RBFA: variants seen among roughly 807,000 people sequenced by gnomAD.
The protein encoded by RBFA is putative ribosome-binding factor A, mitochondrial.
Under a neutral mutation model 27.9 loss-of-function variants are expected in RBFA, and 16 were observed. That is an observed-to-expected ratio of 0.57 (90% confidence interval 0.39 to 0.87). The LOEUF is 0.87. Among genes scored for constraint, RBFA ranks in the 40% least tolerant of loss-of-function variants. RBFA has a pLI of 0.00. For synonymous variants in RBFA, 181 were observed against 181.0 expected, an observed-to-expected ratio of 1.00 and a Z score of 0.00; for missense variants, 456 against 432.1, an observed-to-expected ratio of 1.06 and a Z score of -0.49.
At chr18:80,042,330 T>C (rs1405328470) in intron 5 of RBFA, 111 bp downstream of exon 5, 12 of 549,324 alleles carry the variant, frequency 2.2e-5, no homozygotes, top group Non-Finnish European at 3.5e-5. Flanking sequence ...CCTCAAGGGA[T>C]CCTTCTGTCT....
Position 80,046,179 on chromosome 18 carries a change from C to A in RBFA, c.*24C>A. The A allele has an allele frequency of 6.2e-7, 1 of 1,603,926 alleles. No homozygotes were observed. Among genetic ancestry groups the A allele is most frequent in the Non-Finnish European group, 8.5e-7 (1 of 1,173,436 alleles). ...AGATGGAGAGGCTCTGCCCATCCCA[C>A]ATTTGCAGGGAAAAGCATTGGCACG... On this transcript the variant is annotated 3_prime_UTR_variant, in exon 7 of 7. Coordinates refer to ENST00000306735, the MANE Select transcript of RBFA (RefSeq NM_024805.3).
rs905421226 is a variant in RBFA at position 80,034,856 on chromosome 18, C to G, written c.158+203C>G. 2.6e-5 allele frequency: 14 copies of G among 547,792 alleles called. No homozygotes were observed. The Admixed American group carries it at 3.5e-4, about 14-fold the overall frequency. 33.9% of individuals were successfully genotyped at this position (547,792 alleles called of 1,614,324 possible). ...GTGGACGTGTGTCGGGTTAAGAAAA[C>G]AAAGTGACAATGTGTGTTTATTTTG... is the stretch of plus-strand genomic sequence containing the variant. On this transcript the variant is annotated intron_variant, in intron 1 of 6. Coordinates refer to ENST00000306735, the MANE Select transcript of RBFA (RefSeq NM_024805.3).
At position 80,048,931 on chromosome 18, in the gene RBFA, T is replaced by A. The variant is rs2052076296; in HGVS notation, c.*2776T>A. ...GGAGTGTGGGCACGTTTGCAGGGGA[T>A]CCAACCAGGCGTCTGCTCAGTGCCT... is the stretch of plus-strand genomic sequence containing the variant. On this transcript the variant is annotated 3_prime_UTR_variant, in exon 7 of 7. Transcript: ENST00000306735. Among the ~76,000 whole-genome samples, 1 of 116,254 alleles carries A rather than the reference T, an allele frequency of 8.6e-6. No homozygotes were observed. The highest frequency in any genetic ancestry group is 3.0e-5 in the African/African-American group (1 of 32,792). 76.3% of individuals were successfully genotyped at this position (116,254 alleles called of 152,430 possible). A position where few individuals can be genotyped will look rare whatever the true frequency, so the allele number is the denominator to read the frequency against.
rs2051986332 is a variant in RBFA at position 80,037,343 on chromosome 18, C to T, written c.215C>T (p.Ser72Phe). The change falls in exon 3 of 7, where the codon TCC becomes TTC. Residue 72 changes from serine (S) to phenylalanine (F), a missense_variant. Transcript: ENST00000306735. Reference sequence around the variant, plus strand: ...TTCCTGATGGAGACTTACAAACCATCCAAGTTGGAATTCCTCATGAGGAGC... The same window carrying T: ...TTCCTGATGGAGACTTACAAACCATTCAAGTTGGAATTCCTCATGAGGAGC... The part of the protein sequence containing the change: ...SLGSHSTYKP[S>F]KLEFLMRSTS... The T allele has an allele frequency of 6.2e-7, 1 of 1,613,802 alleles. No homozygotes were observed. The highest frequency in any genetic ancestry group is 1.1e-5 in the South Asian group (1 of 91,066).
rs991236655 is a variant in RBFA at position 80,047,740 on chromosome 18, A to C, written c.*1585A>C. 1.3e-5 allele frequency among the ~76,000 whole-genome samples: 2 copies of C among 152,232 alleles called. No individual in the cohort carries two copies. The highest frequency in any genetic ancestry group is 2.9e-5 in the Non-Finnish European group (2 of 68,036). On this transcript the variant is annotated 3_prime_UTR_variant, in exon 7 of 7. Transcript: ENST00000306735. ...CCAGAAATTAGGTTACAAAGTGTAC[A>C]CCACACATAAAGGCTGATGCCTCTG...
Position 80,036,700 on chromosome 18 carries a change from G to A in RBFA, c.191G>A (p.Gly64Asp). ...KKVWYESPSL[G>D]SHSTYKPSKL... ...GTTTGGTATGAAAGTCCTTCCTTGG[G>A]TTCTCACTCGGTGAGTATAAGCCAT... The change falls in exon 2 of 7, where the codon GGT becomes GAT. Residue 64 changes from glycine (G) to aspartate (D), a missense_variant. By Grantham distance (94) the Gly-to-Asp change is moderately conservative. Transcript: ENST00000306735. The A allele has an allele frequency of 6.2e-7, 1 of 1,611,966 alleles. No homozygotes were observed. Among genetic ancestry groups the A allele is most frequent in the Admixed American group, 1.7e-5 (1 of 59,948 alleles).
chr18:80,046,895 G>C lies in RBFA; in HGVS notation c.*740G>C, dbSNP rs2052059119. 6.6e-6 allele frequency: 1 copy of C among 152,650 alleles called. No individual in the cohort carries two copies. Among genetic ancestry groups the C allele is most frequent in the Non-Finnish European group, 1.5e-5 (1 of 68,104 alleles). The allele number at this position is 152,650 out of a possible 1,614,324, so 9.5% of individuals were successfully genotyped here. On this transcript the variant is annotated 3_prime_UTR_variant, in exon 7 of 7. Transcript: ENST00000306735. Reference sequence around the variant, plus strand: ...ACAGACTTGGTCTTTGCCTTCTGAAGAGTGTGCGACTCTGAGTCATACTGA... The same window carrying C: ...ACAGACTTGGTCTTTGCCTTCTGAACAGTGTGCGACTCTGAGTCATACTGA...
Position 80,036,686 on chromosome 18 carries a change from A to T in RBFA, c.177A>T (p.Glu59Asp). The change falls in exon 2 of 7, where the codon GAA (glutamate) becomes GAT (aspartate). Residue 59 changes from glutamate to aspartate, a missense_variant. Coordinates refer to ENST00000306735, the MANE Select transcript of RBFA (RefSeq NM_024805.3). ...ASKTKKKVWY[E>D]SPSLGSHSTY... ...CCCAAAGAAAAAAGGTTTGGTATGA[A>T]AGTCCTTCCTTGGGTTCTCACTCGG... is the stretch of plus-strand genomic sequence containing the variant. 1 of 1,612,820 alleles carries T rather than the reference A, an allele frequency of 6.2e-7. No homozygotes were observed. The highest frequency in any genetic ancestry group is 8.5e-7 in the Non-Finnish European group (1 of 1,179,162).
At chr18:80,036,000 G>A (rs985443472) in intron 1 of RBFA, 1 of 152,098 alleles carries the variant, frequency 6.6e-6, no homozygotes, top group African/African-American at 2.4e-5. Context: ...CCTAAAATCA[G>A]CCATTTCTCC....
chr18:80,042,006 G>A (rs575970804), intron 4 of RBFA, 129 bp from the exon 5 acceptor site: 65 of 453,036 alleles, frequency 1.4e-4, no homozygotes, highest in Admixed American at 1.1e-3. Context: ...GATTACAGGC[G>A]TGAGCCACCG....
intron 5 of RBFA, among the ~76,000 whole-genome samples, chr18:80,043,248 T>C (rs767992153): frequency 2.6e-5 from 4 of 152,236 alleles, no homozygotes; most frequent in Non-Finnish European, 4.4e-5. Flanking sequence ...TAGGTAACTG[T>C]TGTTCAGTAT....
In RBFA at chr18:80,048,806, G is replaced by A. The variant is rs1242752028; in HGVS notation, c.*2651G>A. Among the ~76,000 whole-genome samples, 2 of 146,042 alleles carry A rather than the reference G, an allele frequency of 1.4e-5. No individual in the cohort carries two copies. Among genetic ancestry groups the A allele is most frequent in the African/African-American group, 5.4e-5 (2 of 37,148 alleles). ...AGAGGAGTGTGGGCACGTTTGCAGG[G>A]GATCCAACCAGGCGTCAGCTCAGTG... On this transcript the variant is annotated 3_prime_UTR_variant, in exon 7 of 7. Transcript: ENST00000306735.
intron 4 of RBFA, among the ~76,000 whole-genome samples, chr18:80,039,232 TC>T (rs1263209316): frequency 6.6e-6 from 1 of 152,140 alleles, no homozygotes; most frequent in African/African-American, 2.4e-5. Flanking sequence ...GTGGGAGGTA[TC>T]CCCTGGATTC....
At chr18:80,034,791 G>A (rs2145139259) in intron 1 of RBFA, 138 bp downstream of exon 1, 1 of 1,021,438 alleles carries the variant, frequency 9.8e-7, no homozygotes, top group Non-Finnish European at 1.4e-6. Flanking sequence ...GTCTGCAGCA[G>A]TTCTAGCTCT....
rs2052056366 is a variant in RBFA at position 80,046,591 on chromosome 18, C to T, written c.*436C>T. Among the ~76,000 whole-genome samples the T allele has an allele frequency of 6.6e-6, 1 of 152,160 alleles. No homozygotes were observed. The highest frequency in any genetic ancestry group is 2.1e-4 in the South Asian group (1 of 4,830). On this transcript the variant is annotated 3_prime_UTR_variant, in exon 7 of 7. Transcript: ENST00000306735. ...CTGGAGCTGGGCTCCGTCCCTGGGGCTGCTGGGCTGGCACGTGGCGCCGGG... is the reference window on the plus strand; with the variant it reads ...CTGGAGCTGGGCTCCGTCCCTGGGGTTGCTGGGCTGGCACGTGGCGCCGGG...
rs1459359542 is a variant in RBFA, at chr18:80,036,706, A to C, written c.197A>C (p.His66Pro). 6.2e-7 allele frequency: 1 copy of C among 1,611,492 alleles called. No homozygotes were observed. The highest frequency in any genetic ancestry group is 1.1e-5 in the South Asian group (1 of 90,812). ...VWYESPSLGS[H>P]STYKPSKLEF... is the part of the protein sequence containing the mutation. ...TATGAAAGTCCTTCCTTGGGTTCTC[A>C]CTCGGTGAGTATAAGCCATGAGCCA... The change falls in exon 2 of 7, where the codon CAC becomes CCC. Residue 66 changes from histidine (H) to proline (P), a missense_variant. His to Pro is a moderately conservative substitution (Grantham distance 77, BLOSUM62 -2). Coordinates refer to ENST00000306735, the MANE Select transcript of RBFA (RefSeq NM_024805.3).
chr18:80,040,325 T>G (rs1477617842), intron 4 of RBFA, among the ~76,000 whole-genome samples: 1 of 148,526 alleles, frequency 6.7e-6, no homozygotes, highest in East Asian at 2.1e-4. Context: ...TCTTGGCTCC[T>G]GCAGCCTCAA....
At chr18:80,038,008 C>T (rs967961980) in intron 3 of RBFA, among the ~76,000 whole-genome samples, 1 of 152,192 alleles carries the variant, frequency 6.6e-6, no homozygotes, top group Non-Finnish European at 1.5e-5. Context: ...CTGTGCTGTG[C>T]AGAGGCAGAT....
intron 4 of RBFA, chr18:80,041,356 G>A (rs1219696570): frequency 1.3e-5 from 2 of 152,158 alleles, no homozygotes; most frequent in East Asian, 1.9e-4. Flanking sequence ...CTGTGGTCAC[G>A]GCTTTCGCTG....
Sources: gnomAD v4.1 joint callset for allele counts (sites outside exome capture counted in the v4.1 genomes callset) on GRCh38, gnomAD v4.1.1 for gene constraint, MANE v1.5 for transcripts, NCBI Gene and HGNC (gene_info 2026-07-23, HGNC 2026-07-21) for gene names.